The following RORA variants were observed in gnomAD, a reference collection of about 807,000 sequenced individuals.
RORA encodes the protein RAR related orphan receptor A.
In RORA, 7 loss-of-function variants were observed where a neutral mutation model predicts 69.5. The ratio of observed to expected loss-of-function variants is 0.10; its 90% CI spans 0.06 to 0.19. The LOEUF (loss-of-function observed/expected upper bound fraction) is 0.19. Ranked by LOEUF, RORA falls within the 10% of genes least tolerant of loss-of-function variation. The probability of loss-of-function intolerance (pLI) is 1.00; values close to 1 mark genes in which losing one functional copy is unlikely to be tolerated. For synonymous variants in RORA, 261 were observed against 240.8 expected, an observed-to-expected ratio of 1.08 and a Z score of -0.78; for missense variants, 457 against 663.0, an observed-to-expected ratio of 0.69 and a Z score of 3.41.
At chr15:60,585,270 C>A (rs1006982861) in intron 2 of RORA, among the ~76,000 whole-genome samples, 1 of 152,196 alleles carries the variant, frequency 6.6e-6, no homozygotes, top group African/African-American at 2.4e-5. Context: ...TCCAAATCCA[C>A]AATCCACTTG....
chr15:61,183,410 C>G (rs1376220880), intron 1 of RORA, among the ~76,000 whole-genome samples: 1 of 151,960 alleles, frequency 6.6e-6, no homozygotes, highest in African/African-American at 2.4e-5. Context: ...TGGCAAACAC[C>G]TGTAATCCCA....
At chr15:60,902,034 C>T (rs1275201377) in intron 1 of RORA, among the ~76,000 whole-genome samples, 3 of 152,130 alleles carry the variant, frequency 2.0e-5, no homozygotes, top group Admixed American at 6.5e-5. Context: ...GCTAATTAAC[C>T]ATAGTGAATC....
chr15:60,591,894 C>T (rs998397746), intron 2 of RORA, among the ~76,000 whole-genome samples: 17 of 151,910 alleles, frequency 1.1e-4, no homozygotes, highest in African/African-American at 4.1e-4. Flanking sequence ...AGGCCTGGGG[C>T]GCTGACCAGT....
intron 1 of RORA, among the ~76,000 whole-genome samples, chr15:61,000,286 C>T (rs1203047049): frequency 1.3e-5 from 2 of 152,182 alleles, no homozygotes; most frequent in Non-Finnish European, 2.9e-5. Flanking sequence ...ATCAGCTTAA[C>T]GTGTGGCTTA....
chr15:60,530,706 G>A (rs1282733195), intron 3 of RORA: 1 of 152,170 alleles, frequency 6.6e-6, no homozygotes, highest in African/African-American at 2.4e-5. Flanking sequence ...GTCTATAGGT[G>A]ATTTTGTATT....
intron 1 of RORA, among the ~76,000 whole-genome samples, chr15:61,137,062 A>AGAAAGAAAGAAG (rs2079250090): frequency 4.0e-5 from 6 of 149,570 alleles, no homozygotes; most frequent in African/African-American, 1.5e-4. Context: ...AAAGAAAGAA[A>AGAAAGAAAGAAG]GAAAGAAAGA....
chr15:60,674,413 G>C (rs561291165), intron 2 of RORA, among the ~76,000 whole-genome samples: 2 of 152,208 alleles, frequency 1.3e-5, no homozygotes, highest in African/African-American at 4.8e-5. Flanking sequence ...ATGGAGAGGA[G>C]GTTGAGGCCT....
chr15:60,938,284 G>T (rs1892586501), intron 1 of RORA, among the ~76,000 whole-genome samples: 1 of 152,148 alleles, frequency 6.6e-6, no homozygotes, highest in South Asian at 2.1e-4. Flanking sequence ...TCTGTAGGAG[G>T]CAATAATGAA....
chr15:61,150,885 C>T (rs905341540), intron 1 of RORA, among the ~76,000 whole-genome samples: 2 of 152,114 alleles, frequency 1.3e-5, no homozygotes, highest in Non-Finnish European at 2.9e-5. Flanking sequence ...GTCAGCTGCC[C>T]TTTGGTGCTT....
At chr15:60,886,161 T>G (rs1489189967) in intron 1 of RORA, among the ~76,000 whole-genome samples, 1 of 152,148 alleles carries the variant, frequency 6.6e-6, no homozygotes, top group African/African-American at 2.4e-5. Flanking sequence ...GAGATTACAT[T>G]TCCCCCAAAA....
At position 60,847,490 on chromosome 15, in the gene RORA, C is replaced by T. The variant is rs534138512; in HGVS notation, c.167-168804G>A. ...GTGGCCCATATGTTCCGTGACAATGCACTGTTCATTGCTTTTCTGAACACC... is the reference window on the plus strand; with the variant it reads ...GTGGCCCATATGTTCCGTGACAATGTACTGTTCATTGCTTTTCTGAACACC... On this transcript the variant is annotated intron_variant, in intron 1 of 10. Transcript: ENST00000335670. Among the ~76,000 whole-genome samples the T allele has an allele frequency of 1.8e-4, 27 of 152,082 alleles. 1 individual carries two copies. The highest frequency in any genetic ancestry group is 6.8e-3 in the Middle Eastern group (2 of 294).
intron 2 of RORA, among the ~76,000 whole-genome samples, chr15:60,661,071 T>C (rs1428187932): frequency 7.8e-6 from 1 of 129,032 alleles, no homozygotes; most frequent in East Asian, 2.4e-4. Flanking sequence ...AAAAAAAAAA[T>C]AGAGGAGTTA....
chr15:61,040,113 G>GAGAT lies in RORA; in HGVS notation c.166+188939_166+188940insATCT, dbSNP rs1491216025. ...TCTAATGGCTATGATCACAAGCTTT[G>GAGAT]ATATATATATATATATATATATATA... On this transcript the variant is annotated intron_variant, in intron 1 of 10. Transcript: ENST00000335670. Among the ~76,000 whole-genome samples the GAGAT allele has an allele frequency of 4.8e-3, 223 of 46,306 alleles. 6 individuals carry two copies. The highest frequency in any genetic ancestry group is 9.3e-3 in the African/African-American group (96 of 10,318). The allele number at this position is 46,306 out of a possible 152,430, so 30.4% of individuals were successfully genotyped here.
At chr15:61,080,089 C>T (rs1289371327) in intron 1 of RORA, among the ~76,000 whole-genome samples, 2 of 152,168 alleles carry the variant, frequency 1.3e-5, no homozygotes, top group South Asian at 2.1e-4. Flanking sequence ...ATGGGAGCTG[C>T]TTCTCAGGTA....
intron 1 of RORA, among the ~76,000 whole-genome samples, chr15:61,204,887 C>A (rs916622288): frequency 6.6e-6 from 1 of 152,186 alleles, no homozygotes; most frequent in African/African-American, 2.4e-5. Context: ...CCAATCAGCC[C>A]TGAGGCTTAT....
intron 1 of RORA, among the ~76,000 whole-genome samples, chr15:61,174,499 G>A (rs1238121201): frequency 1.3e-5 from 2 of 152,174 alleles, no homozygotes; most frequent in Non-Finnish European, 2.9e-5. Context: ...TATGCCACTG[G>A]CAAAAGAGGG....
chr15:60,982,928 T>C (rs746592229), intron 1 of RORA, among the ~76,000 whole-genome samples: 7 of 152,204 alleles, frequency 4.6e-5, no homozygotes, highest in Non-Finnish European at 8.8e-5. Context: ...TTTTGTTTTG[T>C]ATTTTCATAA....
intron 1 of RORA, among the ~76,000 whole-genome samples, chr15:61,030,925 G>A (rs541914293): frequency 6.6e-6 from 1 of 152,230 alleles, no homozygotes; most frequent in South Asian, 2.1e-4. Context: ...TTATGTATAT[G>A]TATATGTGTG....
At chr15:61,141,652 A>G (rs957603348) in intron 1 of RORA, among the ~76,000 whole-genome samples, 1 of 152,208 alleles carries the variant, frequency 6.6e-6, no homozygotes, top group African/African-American at 2.4e-5. Context: ...GCTTGATTTC[A>G]TAAGGACAAG....
Sources: gnomAD v4.1 joint callset for allele counts (sites outside exome capture counted in the v4.1 genomes callset) on GRCh38, gnomAD v4.1.1 for gene constraint, MANE v1.5 for transcripts, NCBI Gene and HGNC (gene_info 2026-07-23, HGNC 2026-07-21) for gene names.